The following STIM1 variants were observed in gnomAD, a reference collection of about 807,000 sequenced individuals.
STIM1 encodes the protein stromal interaction molecule 1.
Under a neutral mutation model 74.7 loss-of-function variants are expected in STIM1, and 25 were observed. That is an observed-to-expected ratio of 0.33 (90% confidence interval 0.24 to 0.47). The LOEUF is 0.47. Ranked by LOEUF, STIM1 falls within the 20% of genes least tolerant of loss-of-function variation. The pLI is 1.00. For missense variants in STIM1, 728 were observed against 920.8 expected (o/e 0.79, Z 2.71); for synonymous variants, 328 against 348.8 (o/e 0.94, Z 0.66).
At chr11:3,960,901 T>C (rs922919634) in intron 1 of STIM1, among the ~76,000 whole-genome samples, 2 of 152,190 alleles carry the variant, frequency 1.3e-5, no homozygotes, top group Admixed American at 1.3e-4. Flanking sequence ...TCCATAAAAA[T>C]ATTATTTACA....
At chr11:3,868,033 G>C (rs1350754002) in intron 1 of STIM1, 1 of 152,222 alleles carries the variant, frequency 6.6e-6, no homozygotes, top group East Asian at 1.9e-4. Flanking sequence ...TGCTTGCCAA[G>C]TTCCCAGAGC....
chr11:3,894,556 A>G (rs759856597), intron 1 of STIM1, among the ~76,000 whole-genome samples: 1 of 152,120 alleles, frequency 6.6e-6, no homozygotes, highest in African/African-American at 2.4e-5. Flanking sequence ...CCCTTATTCC[A>G]TAGCCTACAG....
intron 1 of STIM1, among the ~76,000 whole-genome samples, chr11:3,908,048 A>G (rs766727891): frequency 3.9e-5 from 6 of 152,100 alleles, no homozygotes; most frequent in Admixed American, 6.6e-5. Flanking sequence ...ACCATCTGGC[A>G]TATTTATTGG....
chr11:4,030,313 T>G (rs1590660994), intron 3 of STIM1, among the ~76,000 whole-genome samples: 3 of 128,478 alleles, frequency 2.3e-5, no homozygotes, highest in African/African-American at 9.4e-5. Context: ...GGTGAAAGAG[T>G]GAAACTCCAT....
intron 2 of STIM1, among the ~76,000 whole-genome samples, chr11:3,989,842 A>G (rs893370127): frequency 3.3e-5 from 5 of 152,240 alleles, no homozygotes; most frequent in African/African-American, 1.2e-4. Flanking sequence ...CTTTACAGAA[A>G]AAGTTTATCT....
At chr11:4,029,918 G>A (rs1036546540) in intron 3 of STIM1, among the ~76,000 whole-genome samples, 9 of 152,144 alleles carry the variant, frequency 5.9e-5, no homozygotes, top group African/African-American at 2.2e-4. Flanking sequence ...ATATCAATTA[G>A]CCTCTGGTAA....
chr11:3,873,373 G>A (rs1038068593), intron 1 of STIM1, among the ~76,000 whole-genome samples: 8 of 148,986 alleles, frequency 5.4e-5, no homozygotes, highest in Non-Finnish European at 1.2e-4. Flanking sequence ...AGCCGAGATT[G>A]CGCCATTGCA....
At chr11:3,994,530 A>G (rs2093645191) in intron 2 of STIM1, among the ~76,000 whole-genome samples, 2 of 143,634 alleles carry the variant, frequency 1.4e-5, no homozygotes, top group South Asian at 4.4e-4. Context: ...GCACAATCTC[A>G]GCTCACTCCA....
chr11:3,960,450 A>G (rs940600927), intron 1 of STIM1, among the ~76,000 whole-genome samples: 1 of 152,236 alleles, frequency 6.6e-6, no homozygotes, highest in Non-Finnish European at 1.5e-5. Flanking sequence ...TGTATAAATG[A>G]AAGTGTCAAC....
chr11:3,980,003 C>A (rs1429618379), intron 2 of STIM1, among the ~76,000 whole-genome samples: 2 of 152,162 alleles, frequency 1.3e-5, no homozygotes, highest in Non-Finnish European at 2.9e-5. Context: ...CATCTCAATA[C>A]TAACTCCCAT....
Position 4,086,507 on chromosome 11 carries a change from G to T in STIM1, c.1598G>T (p.Arg533Leu), listed in dbSNP as rs555016539. 3 of 1,614,000 alleles carry T rather than the reference G, an allele frequency of 1.9e-6. No individual in the cohort carries two copies. The highest frequency in any genetic ancestry group is 2.5e-6 in the Non-Finnish European group (3 of 1,180,038). ...APSLQSSVRQ[R>L]LTEPQHGLGS... ...AGCCTGCAGAGCAGTGTTCGGCAGC[G>T]CCTGACGGAGCCACAGCATGGCCTG... The change falls in exon 12 of 13, where the codon CGC becomes CTC. Residue 533 changes from arginine to leucine, a missense_variant. Arg to Leu is a moderately radical substitution (Grantham distance 102, BLOSUM62 -2). Around this residue, in one of 5 missense-constraint regions of STIM1, gnomAD observed 352 missense variants for 370.1 expected, o/e 0.95. Transcript: ENST00000526596.
chr11:4,049,491 AT>A (rs953358673), intron 3 of STIM1: 64 of 147,094 alleles, frequency 4.4e-4, no homozygotes, highest in African/African-American at 9.2e-4. Context: ...CACCTGGCTA[AT>A]TTTTTTTTTT....
chr11:3,890,766 A>G (rs2091868077), intron 1 of STIM1, among the ~76,000 whole-genome samples: 1 of 152,182 alleles, frequency 6.6e-6, no homozygotes, highest in South Asian at 2.1e-4. Context: ...TTATCTCATT[A>G]TCAGCTAGGT....
chr11:3,954,444 G>A (rs2093186750), intron 1 of STIM1, among the ~76,000 whole-genome samples: 1 of 152,228 alleles, frequency 6.6e-6, no homozygotes. Flanking sequence ...GAGCAAGACA[G>A]CCATGGTTCC....
At chr11:3,914,096 A>T (rs531250337) in intron 1 of STIM1, among the ~76,000 whole-genome samples, 1 of 152,294 alleles carries the variant, frequency 6.6e-6, no homozygotes, top group South Asian at 2.1e-4. Flanking sequence ...CATCCCAAAC[A>T]GAAACTTTGT....
At chr11:3,983,730 G>A (rs1183771398) in intron 2 of STIM1, among the ~76,000 whole-genome samples, 1 of 152,182 alleles carries the variant, frequency 6.6e-6, no homozygotes, top group African/African-American at 2.4e-5. Flanking sequence ...CGGCACCTGA[G>A]AAGCAGAGCT....
At chr11:3,992,170 T>C (rs1160104491) in intron 2 of STIM1, among the ~76,000 whole-genome samples, 1 of 144,968 alleles carries the variant, frequency 6.9e-6, no homozygotes, top group African/African-American at 2.5e-5. Context: ...ATCCCAGCGC[T>C]TTGGGTGGCG....
intron 1 of STIM1, chr11:3,903,402 G>T (rs1406161466): frequency 2.6e-5 from 4 of 152,234 alleles, no homozygotes; most frequent in African/African-American, 4.8e-5. Flanking sequence ...ACAGGGTGTT[G>T]TAGCAACCAT....
At chr11:3,873,088 C>T (rs746178358) in intron 1 of STIM1, among the ~76,000 whole-genome samples, 1 of 151,740 alleles carries the variant, frequency 6.6e-6, no homozygotes, top group Non-Finnish European at 1.5e-5. Flanking sequence ...TGGGACTATA[C>T]GCAGGTGCCA....
Sources: allele counts gnomAD v4.1 joint callset (sites outside exome capture counted in the v4.1 genomes callset), GRCh38; gene constraint gnomAD v4.1.1; regional missense constraint gnomAD v4.1.1; transcripts MANE v1.5; gene names NCBI Gene and HGNC (gene_info 2026-07-23, HGNC 2026-07-21).